Variants in COG7 observed in about 807,000 individuals in gnomAD.
COG7 encodes the protein conserved oligomeric Golgi complex subunit 7.
A neutral mutation model predicts 91.5 loss-of-function variants in COG7; 49 were observed. The ratio of observed to expected loss-of-function variants is 0.54; its 90% CI spans 0.43 to 0.68. The LOEUF is 0.68. Ranked by LOEUF, COG7 falls within the 30% of genes least tolerant of loss-of-function variation. The pLI is 0.00. For missense variants in COG7, 895 were observed against 961.3 expected, an observed-to-expected ratio of 0.93 and a Z score of 0.91; for synonymous variants, 365 against 388.7, an observed-to-expected ratio of 0.94 and a Z score of 0.72.
At chr16:23,417,397 G>A in intron 8 of COG7, 2 of 470,474 alleles carry the variant, frequency 4.3e-6, no homozygotes, top group Non-Finnish European at 7.8e-6. Flanking sequence ...CTTTTTCTGT[G>A]ATTATTAAGA....
intron 14 of COG7, chr16:23,393,630 T>G: frequency 2.3e-6 from 1 of 441,098 alleles, no homozygotes; most frequent in Non-Finnish European, 4.1e-6. Flanking sequence ...GTAATGGATA[T>G]CAAAATGCTT....
chr16:23,434,323 G>T (rs1963980752), intron 5 of COG7, among the ~76,000 whole-genome samples: 1 of 152,106 alleles, frequency 6.6e-6, no homozygotes, highest in African/African-American at 2.4e-5. Context: ...CCTTCTGAGG[G>T]TGTAATAAAG....
At chr16:23,410,650 G>T (rs1051935186) in intron 10 of COG7, among the ~76,000 whole-genome samples, 5 of 151,942 alleles carry the variant, frequency 3.3e-5, no homozygotes, top group Non-Finnish European at 7.4e-5. Flanking sequence ...AAAATACTCA[G>T]CTTTGTCCTT....
chr16:23,434,670 G>A lies in COG7; in HGVS notation c.653C>T (p.Pro218Leu), dbSNP rs1232272192. The stretch of plus-strand genomic sequence containing the variant: ...CTTGTAGTAGTAGGCCAGGAGCTGG[G>A]GCATCCGGTCAATTTCAGTAAACAC... ...VKVFTEIDRM[P>L]QLLAYYYKCH... Residue 218 changes from proline (P) to leucine (L), a missense_variant, in exon 5 of 17, where the codon CCC becomes CTC. Coordinates refer to ENST00000307149, the MANE Select transcript of COG7 (RefSeq NM_153603.4). 6.2e-7 allele frequency: 1 copy of A among 1,613,892 alleles called. No homozygotes were observed. Among genetic ancestry groups the A allele is most frequent in the Admixed American group, 1.7e-5 (1 of 60,006 alleles).
chr16:23,398,436 G>T (rs991732707), intron 13 of COG7, among the ~76,000 whole-genome samples: 9 of 152,234 alleles, frequency 5.9e-5, no homozygotes, highest in Non-Finnish European at 1.3e-4. Context: ...CGCTGAGATT[G>T]TAACAGGAGA....
At chr16:23,409,346 G>A (rs887470828) in intron 11 of COG7, among the ~76,000 whole-genome samples, 2 of 152,156 alleles carry the variant, frequency 1.3e-5, no homozygotes, top group Non-Finnish European at 2.9e-5. Context: ...AAGCAAGGCC[G>A]AGTTGAAATC....
rs145312356 is a variant in COG7, at chr16:23,399,678, G to C, written c.1804-1549C>G. ...AAGAGCTCAGGGCGATTAGAGAAGC[G>C]GCTGGCCATAGGATGTATGCGGTAC... On this transcript the variant is annotated intron_variant, in intron 13 of 16. Transcript: ENST00000307149. Among the ~76,000 whole-genome samples the C allele has an allele frequency of 9.0e-4, 137 of 152,156 alleles. 1 individual carries two copies. Among genetic ancestry groups the C allele is most frequent in the African/African-American group, 3.2e-3 (133 of 41,502 alleles).
Position 23,406,124 on chromosome 16 carries a change from A to ATCTTTCTG in COG7, c.1606_1613dup (p.Asn539ArgfsTer11), listed in dbSNP as rs1328113435. ...TTAAACTGGCATATTCAGCAGGGTT[A>ATCTTTCTG]TCTTTCTGGAGGTAATTATATTCTT... On this transcript the variant is annotated frameshift_variant, in exon 12 of 17. Coordinates refer to ENST00000307149, the MANE Select transcript of COG7 (RefSeq NM_153603.4). LOFTEE classifies it high-confidence loss of function. 1 of 1,614,150 alleles carries ATCTTTCTG rather than the reference A, an allele frequency of 6.2e-7. No homozygotes were observed. The highest frequency in any genetic ancestry group is 1.1e-5 in the South Asian group (1 of 91,086).
At chr16:23,390,518 A>G (rs1256703072) in intron 16 of COG7, among the ~76,000 whole-genome samples, 4 of 151,154 alleles carry the variant, frequency 2.6e-5, no homozygotes, top group African/African-American at 9.7e-5. Flanking sequence ...CCCACCGGCT[A>G]CTTTCTGATC....
chr16:23,433,222 G>A (rs1479270236), intron 6 of COG7, among the ~76,000 whole-genome samples: 4 of 151,836 alleles, frequency 2.6e-5, no homozygotes, highest in South Asian at 2.1e-4. Flanking sequence ...TTCCTGCCTC[G>A]GTCTCCTTAG....
intron 9 of COG7, chr16:23,416,632 CA>C (rs1963659256): frequency 2.8e-6 from 1 of 353,050 alleles, no homozygotes; most frequent in Non-Finnish European, 5.4e-6. Context: ...CGCACCAGGC[CA>C]AAGGTCCTTT....
chr16:23,410,149 G>T, intron 11 of COG7, 146 bp downstream of exon 11: 1 of 709,322 alleles, frequency 1.4e-6, no homozygotes, highest in South Asian at 1.5e-5. Context: ...TGACAATAAT[G>T]ACACGCTGTA....
At chr16:23,402,359 T>G (rs1374413716) in intron 13 of COG7, among the ~76,000 whole-genome samples, 1 of 150,388 alleles carries the variant, frequency 6.6e-6, no homozygotes, top group Non-Finnish European at 1.5e-5. Flanking sequence ...TTTTTTTTTG[T>G]ATTTTCTTGT....
rs1555497568 is a variant in COG7 at position 23,452,822 on chromosome 16, T to G, written c.169+4A>C. The G allele has an allele frequency of 6.2e-7, 1 of 1,610,842 alleles. No individual in the cohort carries two copies. Among genetic ancestry groups the G allele is most frequent in the Non-Finnish European group, 8.5e-7 (1 of 1,179,026 alleles). On this transcript the variant is annotated splice_donor_region_variant and intron_variant, in intron 1 of 16. Transcript: ENST00000307149. ...TCCCGCGGCCAGGGCCCCGAGCGGC[T>G]CACCCTCCACGGCGTGGTTCACCTC...
intron 11 of COG7, among the ~76,000 whole-genome samples, chr16:23,408,681 T>TTGCGTGACTTTCGGGATG (rs1210995434): frequency 3.3e-5 from 5 of 151,902 alleles, no homozygotes; most frequent in Non-Finnish European, 5.9e-5. Flanking sequence ...AGCACAGAAA[T>TTGCGTGACTTTCGGGATG]TGCGTGACTT....
intron 3 of COG7, 122 bp downstream of exon 3, chr16:23,444,926 C>T: frequency 1.2e-6 from 1 of 812,306 alleles, no homozygotes; most frequent in East Asian, 2.4e-5. Flanking sequence ...TCTTCCCCAC[C>T]CTGAGTCTGA....
rs1410705172 is a variant in COG7 at position 23,452,815 on chromosome 16, G to C, written c.169+11C>G. On this transcript the variant is annotated intron_variant, in intron 1 of 16. Coordinates refer to ENST00000307149, the MANE Select transcript of COG7 (RefSeq NM_153603.4). ...GGGAGGGTCCCGCGGCCAGGGCCCC[G>C]AGCGGCTCACCCTCCACGGCGTGGT... The C allele has an allele frequency of 1.2e-6, 2 of 1,608,706 alleles. No individual in the cohort carries two copies. The highest frequency in any genetic ancestry group is 8.5e-7 in the Non-Finnish European group (1 of 1,178,216).
In COG7 at chr16:23,419,562, A is replaced by G. The variant is rs144970120; in HGVS notation, c.1010-735T>C. ...TCAGGAGTTTGAGACCAGCCTACCC[A>G]TTATGGTGAAACCCGATCTCTACTA... On this transcript the variant is annotated intron_variant, in intron 7 of 16. Coordinates refer to ENST00000307149, the MANE Select transcript of COG7 (RefSeq NM_153603.4). 1.1e-4 allele frequency among the ~76,000 whole-genome samples: 17 copies of G among 150,196 alleles called. 1 individual carries two copies. The East Asian group carries it at 3.2e-3, about 28-fold the overall frequency.
chr16:23,421,962 A>C (rs900134256), intron 7 of COG7, among the ~76,000 whole-genome samples: 7 of 152,358 alleles, frequency 4.6e-5, no homozygotes, highest in African/African-American at 1.7e-4. Flanking sequence ...CTAGGCTCAA[A>C]AACTAATGTA....
Sources: gnomAD v4.1 joint callset for allele counts (sites outside exome capture counted in the v4.1 genomes callset) on GRCh38, gnomAD v4.1.1 for gene constraint, MANE v1.5 for transcripts, NCBI Gene and HGNC (gene_info 2026-07-23, HGNC 2026-07-21) for gene names.